The following ROR1 variants were observed in gnomAD, a reference collection of about 807,000 sequenced individuals.
The protein encoded by ROR1 is inactive tyrosine-protein kinase transmembrane receptor ROR1.
ROR1 carries 19 observed loss-of-function variants against 78.8 expected under a neutral mutation model. The ratio of observed to expected loss-of-function variants is 0.24; its 90% CI spans 0.17 to 0.35. ROR1 has a LOEUF of 0.35. ROR1 is among the 10% of genes least tolerant of loss of function. The probability of loss-of-function intolerance (pLI) is 1.00; values close to 1 mark genes in which losing one functional copy is unlikely to be tolerated. For synonymous variants in ROR1, 386 were observed against 433.6 expected (o/e 0.89, Z 1.36); for missense variants, 917 against 1,177.8 (o/e 0.78, Z 3.24).
chr1:63,894,466 G>A lies in ROR1; in HGVS notation c.92-114839G>A, dbSNP rs1004193185. ...GCAAAAACCCTTCCCATTCATTAAT[G>A]CATTCCTCATACATAGACATATAGC... is the stretch of plus-strand genomic sequence containing the variant. On this transcript the variant is annotated intron_variant, in intron 1 of 8. Transcript: ENST00000371079. Among the ~76,000 whole-genome samples, 4 of 154 alleles carry A rather than the reference G, an allele frequency of 0.026. No individual in the cohort carries two copies. In the South Asian group the frequency reaches 0.29, roughly 11 times the overall value. The allele number at this position is 154 out of a possible 152,430, so 0.1% of individuals were successfully genotyped here.
intron 1 of ROR1, among the ~76,000 whole-genome samples, chr1:63,957,672 C>G (rs774063695): frequency 3.3e-5 from 5 of 152,034 alleles, no homozygotes; most frequent in African/African-American, 9.7e-5. Context: ...ATTCATTCAT[C>G]TAACGTTTGT....
At chr1:64,006,645 C>A (rs1646429925) in intron 1 of ROR1, among the ~76,000 whole-genome samples, 2 of 152,170 alleles carry the variant, frequency 1.3e-5, no homozygotes, top group South Asian at 4.1e-4. Context: ...GAATTAAGAT[C>A]CCTGCCATAC....
rs552570460 is a variant in ROR1 at position 63,974,019 on chromosome 1, C to G, written c.92-35286C>G. On this transcript the variant is annotated intron_variant, in intron 1 of 8. Coordinates refer to ENST00000371079, the MANE Select transcript of ROR1 (RefSeq NM_005012.4). ...ATGTGTAATAAACCCACTAAACACT[C>G]ATAAGTTCATCAACATTATTGCTTA... Among the ~76,000 whole-genome samples the G allele has an allele frequency of 3.3e-5, 5 of 152,226 alleles. No individual in the cohort carries two copies. In the South Asian group the frequency reaches 8.3e-4, roughly 25 times the overall value.
chr1:63,823,445 C>CTTT lies in ROR1; in HGVS notation c.91+48957_91+48959dup, dbSNP rs11374055. Among the ~76,000 whole-genome samples, 875 of 105,972 alleles carry CTTT rather than the reference C, an allele frequency of 8.3e-3. 26 individuals are homozygous for CTTT. The highest frequency in any genetic ancestry group is 0.014 in the African/African-American group (366 of 26,482). 69.5% of individuals were successfully genotyped at this position (105,972 alleles called of 152,430 possible). ...ATATTGCTGCTAACTACAGACATTA[C>CTTT]TTTTTTTTTTTTTTTTTTTTTTGAG... On this transcript the variant is annotated intron_variant, in intron 1 of 8. Coordinates refer to ENST00000371079, the MANE Select transcript of ROR1 (RefSeq NM_005012.4).
intron 4 of ROR1, among the ~76,000 whole-genome samples, chr1:64,130,026 A>C (rs1648855727): frequency 6.6e-6 from 1 of 152,176 alleles, no homozygotes; most frequent in Non-Finnish European, 1.5e-5. Context: ...ATTTTGATTT[A>C]ATTTTTTAAA....
In ROR1 at chr1:64,140,178, T is replaced by C. The variant is rs1447093286; in HGVS notation, c.680T>C (p.Leu227Pro). 6.2e-7 allele frequency: 1 copy of C among 1,614,080 alleles called. No individual in the cohort carries two copies. Among genetic ancestry groups the C allele is most frequent in the Admixed American group, 1.7e-5 (1 of 60,006 alleles). The change falls in exon 6 of 9, where the codon CTG becomes CCG. Residue 227 changes from leucine (L) to proline (P), a missense_variant. Around this residue, in one of 3 missense-constraint regions of ROR1, gnomAD observed 835 missense variants for 1,069.8 expected, o/e 0.78. Coordinates refer to ENST00000371079, the MANE Select transcript of ROR1 (RefSeq NM_005012.4). ...TGTTCTCAGTTCGCCATTCCTTCCCTGTGCCACTATGCCTTCCCGTACTGC... is the reference window on the plus strand; with the variant it reads ...TGTTCTCAGTTCGCCATTCCTTCCCCGTGCCACTATGCCTTCCCGTACTGC... ...DKCSQFAIPS[L>P]CHYAFPYCDE...
At chr1:63,781,357 C>A (rs1644650266) in intron 1 of ROR1, among the ~76,000 whole-genome samples, 1 of 152,132 alleles carries the variant, frequency 6.6e-6, no homozygotes, top group Non-Finnish European at 1.5e-5. Flanking sequence ...TCCTATTTTA[C>A]AGATAAGAAA....
intron 1 of ROR1, among the ~76,000 whole-genome samples, chr1:63,803,484 C>T (rs1428477793): frequency 6.6e-6 from 1 of 152,014 alleles, no homozygotes; most frequent in Non-Finnish European, 1.5e-5. Flanking sequence ...GCTGGGACTA[C>T]AAGGCGTGTG....
chr1:63,928,009 A>C (rs543213346), intron 1 of ROR1, among the ~76,000 whole-genome samples: 3 of 150,454 alleles, frequency 2.0e-5, no homozygotes, highest in East Asian at 3.9e-4. Flanking sequence ...CATGCTGGCA[A>C]CTGCGTGGTT....
intron 7 of ROR1, chr1:64,143,199 CCTTTTTCT>C: frequency 3.0e-6 from 3 of 989,326 alleles, no homozygotes; most frequent in Non-Finnish European, 2.4e-6. Context: ...GTTAACTGTT[CCTTTTTCT>C]AGAAAATGTT....
chr1:63,934,952 T>G (rs1485994259), intron 1 of ROR1, among the ~76,000 whole-genome samples: 1 of 152,150 alleles, frequency 6.6e-6, no homozygotes, highest in African/African-American at 2.4e-5. Flanking sequence ...TTATCATGCT[T>G]CTTTTACATT....
At chr1:64,108,345 C>CGAGA (rs1647919390) in intron 4 of ROR1, 1 of 127,616 alleles carries the variant, frequency 7.8e-6, no homozygotes, top group Non-Finnish European at 1.6e-5. Context: ...TGCAGTGAGC[C>CGAGA]GAGATCACAC....
intron 1 of ROR1, among the ~76,000 whole-genome samples, chr1:64,001,562 G>C (rs2100533278): frequency 6.6e-6 from 1 of 152,174 alleles, no homozygotes; most frequent in Non-Finnish European, 1.5e-5. Flanking sequence ...TGGGTGAAGG[G>C]TGCAGAATCT....
intron 1 of ROR1, among the ~76,000 whole-genome samples, chr1:63,948,935 C>T (rs1569959454): frequency 6.6e-6 from 1 of 152,272 alleles, no homozygotes; most frequent in African/African-American, 2.4e-5. Flanking sequence ...GCCACACGGT[C>T]TATGATATTC....
chr1:64,053,520 C>T (rs1033537287), intron 4 of ROR1, among the ~76,000 whole-genome samples: 3 of 152,190 alleles, frequency 2.0e-5, no homozygotes, highest in South Asian at 2.1e-4. Flanking sequence ...CTACCCCTAA[C>T]ACTTATAGGA....
intron 7 of ROR1, among the ~76,000 whole-genome samples, chr1:64,152,647 G>A (rs1185750817): frequency 6.6e-6 from 1 of 152,130 alleles, no homozygotes; most frequent in Non-Finnish European, 1.5e-5. Flanking sequence ...TAACCTTAAA[G>A]CAACTTATAA....
intron 1 of ROR1, among the ~76,000 whole-genome samples, chr1:63,853,306 T>G (rs1379787184): frequency 6.6e-6 from 1 of 152,234 alleles, no homozygotes; most frequent in Non-Finnish European, 1.5e-5. Flanking sequence ...GTAAGTACTA[T>G]TGTTAGCCTC....
intron 1 of ROR1, among the ~76,000 whole-genome samples, chr1:63,803,365 A>G (rs1406841751): frequency 6.7e-6 from 1 of 149,350 alleles, no homozygotes; most frequent in East Asian, 1.9e-4. Flanking sequence ...TTTTTTTGAG[A>G]TGGACTCTCG....
intron 4 of ROR1, among the ~76,000 whole-genome samples, chr1:64,086,071 C>T (rs1412057190): frequency 6.6e-6 from 1 of 152,190 alleles, no homozygotes; most frequent in Non-Finnish European, 1.5e-5. Flanking sequence ...TCCTTTCCAC[C>T]TGTCCAAATT....
Sources: gnomAD v4.1 joint callset for allele counts (sites outside exome capture counted in the v4.1 genomes callset) on GRCh38, gnomAD v4.1.1 for gene constraint, gnomAD v4.1.1 regional missense constraint, MANE v1.5 for transcripts, NCBI Gene and HGNC (gene_info 2026-07-23, HGNC 2026-07-21) for gene names.